ROBO2: variants seen among roughly 807,000 people sequenced by gnomAD.
ROBO2 encodes roundabout homolog 2.
In ROBO2, 53 loss-of-function variants were observed where a neutral mutation model predicts 160.8. The observed-to-expected ratio is 0.33, with a 90% CI of 0.26 to 0.41. The LOEUF is 0.41. Ranked by LOEUF, ROBO2 falls within the 10% of genes least tolerant of loss-of-function variation. The pLI is 1.00. For missense variants in ROBO2, 1,577 were observed against 1,722.4 expected, an observed-to-expected ratio of 0.92 and a Z score of 1.49; for synonymous variants, 664 against 611.7, an observed-to-expected ratio of 1.09 and a Z score of -1.26.
intron 2 of ROBO2, among the ~76,000 whole-genome samples, chr3:76,282,630 C>T (rs774046190): frequency 2.0e-5 from 3 of 151,882 alleles, no homozygotes; most frequent in Non-Finnish European, 4.4e-5. Context: ...TTAGCTTTCT[C>T]ATTTAAACAA....
At chr3:77,136,067 T>A (rs971267533) in intron 2 of ROBO2, among the ~76,000 whole-genome samples, 5 of 152,196 alleles carry the variant, frequency 3.3e-5, no homozygotes, top group Admixed American at 1.3e-4. Context: ...AGATATATTT[T>A]TTACCAGCTT....
chr3:76,536,011 C>CT (rs1440692245), intron 2 of ROBO2, among the ~76,000 whole-genome samples: 2 of 152,236 alleles, frequency 1.3e-5, no homozygotes, highest in East Asian at 3.9e-4. Flanking sequence ...GTTGGGTGGT[C>CT]TGATTTCCAG....
At chr3:77,621,913 T>C (rs974863014) in intron 22 of ROBO2, among the ~76,000 whole-genome samples, 2 of 152,296 alleles carry the variant, frequency 1.3e-5, no homozygotes, top group East Asian at 3.9e-4. Flanking sequence ...TCACTTTAAA[T>C]AGTTACTCGT....
At chr3:76,109,004 CTG>C (rs1266659602) in intron 2 of ROBO2, among the ~76,000 whole-genome samples, 34 of 151,562 alleles carry the variant, frequency 2.2e-4, no homozygotes, top group Non-Finnish European at 4.0e-4. Context: ...AAGTATTTCT[CTG>C]TATCTTTTTT....
At chr3:76,430,714 A>T (rs1013590316) in intron 2 of ROBO2, among the ~76,000 whole-genome samples, 2 of 152,046 alleles carry the variant, frequency 1.3e-5, no homozygotes, top group Non-Finnish European at 1.5e-5. Context: ...AAAAACAGTA[A>T]TCATAATTAT....
chr3:76,448,527 G>A (rs191763916), intron 2 of ROBO2, among the ~76,000 whole-genome samples: 1 of 152,206 alleles, frequency 6.6e-6, no homozygotes, highest in African/African-American at 2.4e-5. Flanking sequence ...ATCAACAGCA[G>A]GTTGTTATCG....
At chr3:77,302,334 C>G (rs1454536016) in intron 2 of ROBO2, among the ~76,000 whole-genome samples, 2 of 152,056 alleles carry the variant, frequency 1.3e-5, no homozygotes, top group Non-Finnish European at 2.9e-5. Context: ...TACATATAAA[C>G]TACTTAGAAC....
At chr3:76,919,468 G>A (rs564097356) in intron 2 of ROBO2, among the ~76,000 whole-genome samples, 1 of 152,160 alleles carries the variant, frequency 6.6e-6, no homozygotes, top group South Asian at 2.1e-4. Context: ...TCAATTTCAT[G>A]TTAGTCTAAA....
chr3:77,098,242 A>G (rs1253864709), exon 2 of ROBO2: 3 of 1,614,206 alleles, frequency 1.9e-6, no homozygotes, highest in Admixed American at 3.3e-5. Flanking sequence ...CGCATCGTGC[A>G]CGGGCGCAGG....
chr3:76,780,847 G>A (rs1355160834), intron 2 of ROBO2, among the ~76,000 whole-genome samples: 1 of 150,518 alleles, frequency 6.6e-6, no homozygotes, highest in African/African-American at 2.4e-5. Context: ...ATCAGAAAGT[G>A]TAATGTTTTC....
At chr3:76,433,383 A>G (rs1006137696) in intron 2 of ROBO2, among the ~76,000 whole-genome samples, 1 of 152,204 alleles carries the variant, frequency 6.6e-6, no homozygotes, top group Non-Finnish European at 1.5e-5. Context: ...TGCAATAAAC[A>G]TGTAATAAAC....
chr3:76,030,974 C>T (rs762486724), intron 2 of ROBO2, among the ~76,000 whole-genome samples: 11 of 152,146 alleles, frequency 7.2e-5, no homozygotes, highest in Non-Finnish European at 1.0e-4. Flanking sequence ...GCCATTTTCA[C>T]AATATTGATT....
At chr3:77,137,478 G>A (rs146176782) in intron 2 of ROBO2, among the ~76,000 whole-genome samples, 3 of 152,252 alleles carry the variant, frequency 2.0e-5, no homozygotes, top group African/African-American at 7.2e-5. Flanking sequence ...CGCCTGCCTC[G>A]GCCTCCCAAA....
At chr3:77,594,002 T>A (rs1243071699) in intron 17 of ROBO2, among the ~76,000 whole-genome samples, 4 of 152,122 alleles carry the variant, frequency 2.6e-5, no homozygotes, top group African/African-American at 7.2e-5. Flanking sequence ...CGGTGATTGG[T>A]TTAGCCAATC....
intron 2 of ROBO2, among the ~76,000 whole-genome samples, chr3:76,839,907 A>G (rs1322664706): frequency 6.6e-6 from 1 of 152,188 alleles, no homozygotes; most frequent in East Asian, 1.9e-4. Context: ...GATTATATGT[A>G]TCTTGGACTT....
At chr3:76,499,545 G>GA (rs1156854600) in intron 2 of ROBO2, among the ~76,000 whole-genome samples, 1 of 152,056 alleles carries the variant, frequency 6.6e-6, no homozygotes, top group Non-Finnish European at 1.5e-5. Flanking sequence ...AAACATTATG[G>GA]AAAAGAAATC....
chr3:76,979,274 G>A (rs1188727958), intron 2 of ROBO2, among the ~76,000 whole-genome samples: 1 of 151,968 alleles, frequency 6.6e-6, no homozygotes, highest in Non-Finnish European at 1.5e-5. Context: ...TAGATATATT[G>A]TATATTGGTG....
chr3:75,914,705 T>C (rs1946737205), intron 1 of ROBO2, among the ~76,000 whole-genome samples: 1 of 152,206 alleles, frequency 6.6e-6, no homozygotes, highest in Non-Finnish European at 1.5e-5. Flanking sequence ...ACTCTACGGA[T>C]GCGTAAGTAA....
At chr3:76,194,354 A>ATATATATG (rs1702154364) in intron 2 of ROBO2, among the ~76,000 whole-genome samples, 1 of 66,994 alleles carries the variant, frequency 1.5e-5, no homozygotes, top group Non-Finnish European at 2.5e-5. Flanking sequence ...TGGTGTGTAA[A>ATATATATG]TATATATATA....
Sources: allele counts gnomAD v4.1 joint callset (sites outside exome capture counted in the v4.1 genomes callset), GRCh38; gene constraint gnomAD v4.1.1; transcripts MANE v1.5; gene names NCBI Gene and HGNC (gene_info 2026-07-23, HGNC 2026-07-21).